Variants in LRIT1 observed in about 807,000 individuals in gnomAD.
LRIT1 encodes leucine rich repeat, Ig-like and transmembrane domains 1.
LRIT1 carries 23 observed loss-of-function variants against 24.0 expected under a neutral mutation model. That is an observed-to-expected ratio of 0.96 (90% CI 0.69 to 1.36). The LOEUF (loss-of-function observed/expected upper bound fraction) is 1.36. Ranked by LOEUF, LRIT1 falls within the 40% of genes most tolerant of loss-of-function variation. LRIT1 has a pLI of 0.00. For missense variants in LRIT1, 846 were observed against 806.3 expected (o/e 1.05, Z -0.60); for synonymous variants, 361 against 340.5 (o/e 1.06, Z -0.66).
chr10:84,233,817 C>T lies in LRIT1; in HGVS notation c.895+256G>A, dbSNP rs1011226624. Among the ~76,000 whole-genome samples the T allele has an allele frequency of 1.1e-4, 16 of 152,332 alleles. No individual in the cohort carries two copies. In the East Asian group the frequency reaches 2.9e-3, roughly 28 times the overall value. On this transcript the variant is annotated intron_variant, in intron 3 of 3. Coordinates refer to ENST00000372105, the MANE Select transcript of LRIT1 (RefSeq NM_015613.3). Reference sequence around the variant, plus strand: ...CCAAAAAGTCAGCTTTTTGTTCTCTCAGGGTGGGCCCCAAGTCTCTATAGA... The same window carrying T: ...CCAAAAAGTCAGCTTTTTGTTCTCTTAGGGTGGGCCCCAAGTCTCTATAGA...
chr10:84,231,907 G>T lies in LRIT1; in HGVS notation c.*20C>A. ...AAGGAGCGTGGGCAGGCAGGTGTGT[G>T]AGTTGCGGAGGCATATCCCTCAGCA... On this transcript the variant is annotated 3_prime_UTR_variant, in exon 4 of 4. Coordinates refer to ENST00000372105, the MANE Select transcript of LRIT1 (RefSeq NM_015613.3). The T allele has an allele frequency of 6.3e-7, 1 of 1,583,168 alleles. No individual in the cohort carries two copies. Among genetic ancestry groups the T allele is most frequent in the South Asian group, 1.1e-5 (1 of 88,340 alleles).
Position 84,232,058 on chromosome 10 carries a change from C to T in LRIT1, c.1741G>A (p.Glu581Lys), listed in dbSNP as rs750608437. 4.4e-5 allele frequency: 71 copies of T among 1,614,062 alleles called. No homozygotes were observed. The highest frequency in any genetic ancestry group is 5.6e-5 in the Non-Finnish European group (66 of 1,180,044). The change falls in exon 4 of 4, where the codon GAG (glutamate) becomes AAG (lysine). Residue 581 changes from glutamate (E) to lysine (K), a missense_variant. Glu to Lys is a moderately conservative substitution (Grantham distance 56, BLOSUM62 1). Transcript: ENST00000372105. Reference protein sequence around the residue: ...YVNLERLGYSEDGLEELSRHS... With the variant: ...YVNLERLGYSKDGLEELSRHS... ...CGGGACAGCTCCTCCAAGCCGTCCTCGCTGTAGCCCAGTCTCTCTAGGTTG... is the reference window on the plus strand; with the variant it reads ...CGGGACAGCTCCTCCAAGCCGTCCTTGCTGTAGCCCAGTCTCTCTAGGTTG...
At chr10:84,241,170 C>T in intron 1 of LRIT1, 148 bp downstream of exon 1, 1 of 1,198,398 alleles carries the variant, frequency 8.3e-7, no homozygotes, top group Non-Finnish European at 1.2e-6. Context: ...AACAATGCAG[C>T]ACAGTCCACC....
rs1461403215 is a variant in LRIT1 at position 84,241,468 on chromosome 10, G to A, written c.-29C>T. 1 of 1,512,588 alleles carries A rather than the reference G, an allele frequency of 6.6e-7. No individual in the cohort carries two copies. The highest frequency in any genetic ancestry group is 8.8e-7 in the Non-Finnish European group (1 of 1,134,748). 93.7% of individuals were successfully genotyped at this position (1,512,588 alleles called of 1,614,324 possible). ...TCCTGGCTCCTCTCTGGCCCAGGCA[G>A]GGGCCTGTCCCTGGACCGCTCCGTC... On this transcript the variant is annotated 5_prime_UTR_variant, in exon 1 of 4. Coordinates refer to ENST00000372105, the MANE Select transcript of LRIT1 (RefSeq NM_015613.3).
At chr10:84,239,396 G>C (rs1355790479) in intron 1 of LRIT1, among the ~76,000 whole-genome samples, 1 of 152,218 alleles carries the variant, frequency 6.6e-6, no homozygotes, top group East Asian at 1.9e-4. Context: ...AGTGAGCTAT[G>C]ATTGTGCCAC....
rs922320853 is a variant in LRIT1, at chr10:84,237,317, G to T, written c.492C>A (p.Ser164Arg). 12 of 1,551,058 alleles carry T rather than the reference G, an allele frequency of 7.7e-6. No homozygotes were observed. The highest frequency in any genetic ancestry group is 9.6e-6 in the Non-Finnish European group (11 of 1,146,988). The change falls in exon 2 of 4, where the codon AGC (serine) becomes AGA (arginine). Residue 164 changes from serine (S) to arginine (R), a missense_variant. Coordinates refer to ENST00000372105, the MANE Select transcript of LRIT1 (RefSeq NM_015613.3). The stretch of plus-strand genomic sequence containing the variant: ...CCTGCGGGAGCCTCATCAGCTGGTT[G>T]CTGGAGAGGTCGAGGAAGGTGAGGT... ...LENLTFLDLS[S>R]NQLMRLPQEL...
Position 84,237,266 on chromosome 10 carries a change from C to T in LRIT1, c.543G>A (p.Leu181=). The T allele has an allele frequency of 6.4e-7, 1 of 1,550,836 alleles. No individual in the cohort carries two copies. Among genetic ancestry groups the T allele is most frequent in the Non-Finnish European group, 8.7e-7 (1 of 1,146,974 alleles). ...PQELIVSWAH[L]ETGIFPPGHH... ...GGCCGGGAGGAAAGATACCGGTCTC[C>T]AGGTGAGCCCAGGAGACGATGAGCT... Residue 181 remains leucine (L), a synonymous_variant, in exon 2 of 4, where the codon CTG becomes CTA. Coordinates refer to ENST00000372105, the MANE Select transcript of LRIT1 (RefSeq NM_015613.3).
At chr10:84,236,214 T>C (rs1305297099) in intron 2 of LRIT1, among the ~76,000 whole-genome samples, 1 of 151,276 alleles carries the variant, frequency 6.6e-6, no homozygotes, top group Non-Finnish European at 1.5e-5. Flanking sequence ...GAGAATGGTG[T>C]GAACCCGGGA....
In LRIT1 at chr10:84,232,349, T is replaced by G; in HGVS notation, c.1450A>C (p.Thr484Pro). The change falls in exon 4 of 4, where the codon ACC becomes CCC. Residue 484 changes from threonine (T) to proline (P), a missense_variant. Coordinates refer to ENST00000372105, the MANE Select transcript of LRIT1 (RefSeq NM_015613.3). The part of the protein sequence containing the change: ...VIVQPGKTRV[T>P]ITGLLPKTKY... ...GTCTTGGGCAACAGCCCAGTGATGG[T>G]CACTCTGGTCTTCCCAGGCTGCACA... is the stretch of plus-strand genomic sequence containing the variant. 6.2e-7 allele frequency: 1 copy of G among 1,613,908 alleles called. No homozygotes were observed. The highest frequency in any genetic ancestry group is 8.5e-7 in the Non-Finnish European group (1 of 1,179,940).
intron 2 of LRIT1, among the ~76,000 whole-genome samples, chr10:84,235,301 A>G (rs1414132075): frequency 6.6e-6 from 1 of 152,152 alleles, no homozygotes; most frequent in Non-Finnish European, 1.5e-5. Context: ...CACGGGTGCC[A>G]GTTCCTTTTC....
chr10:84,232,740 T>C lies in LRIT1; in HGVS notation c.1059A>G (p.Glu353=). ...LIVTEPPTST[E]HSGSPGALWA... is the part of the protein sequence containing the mutation. The stretch of plus-strand genomic sequence containing the variant: ...ATAGTGCTCCTGGGCTCCCACTGTG[T>C]TCTGTGGAAGTCGGTGGCTCAGTGA... The change falls in exon 4 of 4, where the codon GAA becomes GAG. Residue 353 remains glutamate, a synonymous_variant. Transcript: ENST00000372105. 1.2e-6 allele frequency: 2 copies of C among 1,614,068 alleles called. No individual in the cohort carries two copies. Among genetic ancestry groups the C allele is most frequent in the South Asian group, 1.1e-5 (1 of 91,074 alleles).
At chr10:84,237,018 T>C (rs1842653794) in intron 2 of LRIT1, among the ~76,000 whole-genome samples, 1 of 152,120 alleles carries the variant, frequency 6.6e-6, no homozygotes, top group African/African-American at 2.4e-5. Flanking sequence ...TTGTATGACC[T>C]GGAAAGACCT....
Position 84,237,498 on chromosome 10 carries a change from C to T in LRIT1, c.311G>A (p.Arg104Gln). The T allele has an allele frequency of 2.5e-6, 4 of 1,598,626 alleles. No homozygotes were observed. The highest frequency in any genetic ancestry group is 3.4e-6 in the Non-Finnish European group (4 of 1,176,614). The change falls in exon 2 of 4, where the codon CGG becomes CAG. Residue 104 changes from arginine to glutamine, a missense_variant. Arg to Gln is a conservative substitution (Grantham distance 43). Coordinates refer to ENST00000372105, the MANE Select transcript of LRIT1 (RefSeq NM_015613.3). ...ALSELNALMLRGLRRLRELRL... is the reference protein window; with the variant it reads ...ALSELNALMLQGLRRLRELRL... ...CAGCTCCCGCAGGCGTCGCAGGCCC[C>T]GCAGCATGAGGGCGTTGAGCTCGCT...
At chr10:84,236,630 T>A (rs111823396) in intron 2 of LRIT1, among the ~76,000 whole-genome samples, 2,817 of 152,306 alleles carry the variant, frequency 0.018, 73 homozygotes, top group African/African-American at 0.059. Context: ...TATATGTATA[T>A]ACATATGCAT....
chr10:84,236,567 A>C (rs1256784254), intron 2 of LRIT1, among the ~76,000 whole-genome samples: 2 of 152,176 alleles, frequency 1.3e-5, no homozygotes, highest in Non-Finnish European at 2.9e-5. Context: ...TGTATGACAA[A>C]ATTTTATGTA....
chr10:84,235,308 T>C (rs1484826202), intron 2 of LRIT1, among the ~76,000 whole-genome samples: 4 of 152,124 alleles, frequency 2.6e-5, no homozygotes, highest in African/African-American at 7.2e-5. Flanking sequence ...GCCAGTTCCT[T>C]TTCCCACCTC....
rs1253343742 is a variant in LRIT1, at chr10:84,234,174, G to C, written c.794C>G (p.Ser265Cys). 6.2e-7 allele frequency: 1 copy of C among 1,613,888 alleles called. No homozygotes were observed. The highest frequency in any genetic ancestry group is 8.5e-7 in the Non-Finnish European group (1 of 1,179,996). ...TAGCAGTGCTGTGCCACCCAAAAGG[G>C]ACCTGATGCTGGCCACTCCTGGATG... is the stretch of plus-strand genomic sequence containing the variant. ...ELHPGVASIR[S>C]LLGGTALLRC... The change falls in exon 3 of 4, where the codon TCC (serine) becomes TGC (cysteine). Residue 265 changes from serine to cysteine, a missense_variant. Coordinates refer to ENST00000372105, the MANE Select transcript of LRIT1 (RefSeq NM_015613.3).
chr10:84,232,613 G>T lies in LRIT1; in HGVS notation c.1186C>A (p.Pro396Thr), dbSNP rs1303384544. ...TCCTCCTTTGTGCTGGGCACAGAGG[G>T]TCCAGTGGCCAGGACAGCGGGTTTG... ...IPKPAVLATG[P>T]SVPSTKEELT... The change falls in exon 4 of 4, where the codon CCC (proline) becomes ACC (threonine). Residue 396 changes from proline to threonine, a missense_variant. Transcript: ENST00000372105. The T allele has an allele frequency of 1.2e-6, 2 of 1,613,728 alleles. No homozygotes were observed. Among genetic ancestry groups the T allele is most frequent in the Non-Finnish European group, 1.7e-6 (2 of 1,179,780 alleles).
At position 84,236,966 on chromosome 10, in the gene LRIT1, A is replaced by T. The variant is rs538358622; in HGVS notation, c.589+254T>A. 2.6e-5 allele frequency among the ~76,000 whole-genome samples: 4 copies of T among 152,254 alleles called. No individual in the cohort carries two copies. The South Asian group carries it at 8.3e-4, about 32-fold the overall frequency. ...GCTGGTGTAGTGTACTAACCCATTC[A>T]GCTCTGAGTTGGGAAATTGAGTCTC... On this transcript the variant is annotated intron_variant, in intron 2 of 3. Coordinates refer to ENST00000372105, the MANE Select transcript of LRIT1 (RefSeq NM_015613.3).
Sources: allele counts gnomAD v4.1 joint callset (sites outside exome capture counted in the v4.1 genomes callset), GRCh38; gene constraint gnomAD v4.1.1; transcripts MANE v1.5; gene names NCBI Gene and HGNC (gene_info 2026-07-23, HGNC 2026-07-21).